Variants in TNFSF4 observed in about 807,000 individuals in gnomAD.
The protein encoded by TNFSF4 is TNF superfamily member 4.
In TNFSF4, 4 loss-of-function variants were observed where a neutral mutation model predicts 7.3. The ratio of observed to expected loss-of-function variants is 0.55; its 90% CI spans 0.27 to 1.25. The LOEUF is 1.25. TNFSF4 is among the 50% of genes most tolerant of loss of function. The pLI, the probability that TNFSF4 is intolerant of heterozygous loss-of-function variation, is 0.12. For missense variants in TNFSF4, 181 were observed against 208.8 expected, an observed-to-expected ratio of 0.87 and a Z score of 0.82; for synonymous variants, 76 against 83.7, an observed-to-expected ratio of 0.91 and a Z score of 0.50.
the TNFSF4 span, among the ~76,000 whole-genome samples, chr1:173,296,084 G>C: frequency 6.6e-6 from 1 of 151,984 alleles, no homozygotes; most frequent in African/African-American, 2.4e-5. Flanking sequence ...AAATGGAGAA[G>C]TAAAAGATGT....
the TNFSF4 span, among the ~76,000 whole-genome samples, chr1:173,403,833 C>CAG: frequency 6.6e-6 from 1 of 150,928 alleles, no homozygotes; most frequent in East Asian, 1.9e-4. Flanking sequence ...ACCCGGGAGG[C>CAG]AGAGGTTGCA....
chr1:173,374,268 G>C, the TNFSF4 span, among the ~76,000 whole-genome samples: 1 of 152,086 alleles, frequency 6.6e-6, no homozygotes, highest in Non-Finnish European at 1.5e-5. Flanking sequence ...CCTACCCAAA[G>C]GATATCACAG....
At chr1:173,447,494 G>T in the TNFSF4 span, among the ~76,000 whole-genome samples, 1 of 152,078 alleles carries the variant, frequency 6.6e-6, no homozygotes, top group Non-Finnish European at 1.5e-5. Flanking sequence ...AGGGGTAGAG[G>T]GCATATGGGA....
the TNFSF4 span, among the ~76,000 whole-genome samples, chr1:173,242,155 A>C: frequency 1.3e-5 from 2 of 152,178 alleles, no homozygotes; most frequent in African/African-American, 4.8e-5. Context: ...GGGAGATTAG[A>C]GTGTTATAAG....
chr1:173,361,744 C>T, the TNFSF4 span, among the ~76,000 whole-genome samples: 8 of 152,162 alleles, frequency 5.3e-5, no homozygotes, highest in Non-Finnish European at 4.4e-5. Flanking sequence ...CTTGGGTCTA[C>T]GGACTCACTG....
the TNFSF4 span, among the ~76,000 whole-genome samples, chr1:173,389,061 T>G: frequency 6.6e-6 from 1 of 152,254 alleles, no homozygotes; most frequent in Non-Finnish European, 1.5e-5. Context: ...TTACATATTT[T>G]TTCTTTTTAC....
chr1:173,364,076 C>T, the TNFSF4 span, among the ~76,000 whole-genome samples: 1 of 152,050 alleles, frequency 6.6e-6, no homozygotes, highest in Non-Finnish European at 1.5e-5. Context: ...TGTCCAGAAA[C>T]ACTCATAAAT....
chr1:173,349,060 C>G, the TNFSF4 span, among the ~76,000 whole-genome samples: 1 of 151,926 alleles, frequency 6.6e-6, no homozygotes, highest in African/African-American at 2.4e-5. Flanking sequence ...ACGGAGTCTC[C>G]CTCTCTCTCC....
the TNFSF4 span, among the ~76,000 whole-genome samples, chr1:173,325,512 A>G: frequency 6.6e-6 from 1 of 152,186 alleles, no homozygotes; most frequent in African/African-American, 2.4e-5. Flanking sequence ...AAATAACTAA[A>G]ATCAGAGCAG....
chr1:173,393,437 C>T, the TNFSF4 span, among the ~76,000 whole-genome samples: 1 of 152,200 alleles, frequency 6.6e-6, no homozygotes, highest in East Asian at 1.9e-4. Flanking sequence ...TTGCTCCTTT[C>T]GCCCTTTGCC....
chr1:173,252,919 G>A, the TNFSF4 span, among the ~76,000 whole-genome samples: 3 of 152,342 alleles, frequency 2.0e-5, no homozygotes, highest in African/African-American at 7.2e-5. Flanking sequence ...AGCAGGATAA[G>A]TTTCAGAACT....
At chr1:173,366,564 T>C in the TNFSF4 span, among the ~76,000 whole-genome samples, 1 of 152,178 alleles carries the variant, frequency 6.6e-6, no homozygotes, top group East Asian at 1.9e-4. Flanking sequence ...TAGTATCTGA[T>C]AGCACAACAG....
chr1:173,407,090 G>A, the TNFSF4 span, among the ~76,000 whole-genome samples: 3 of 152,124 alleles, frequency 2.0e-5, no homozygotes, highest in Non-Finnish European at 2.9e-5. Context: ...TAAGGCTGAT[G>A]GCTGTGCAGG....
the TNFSF4 span, among the ~76,000 whole-genome samples, chr1:173,225,220 TA>T: frequency 6.6e-6 from 1 of 152,146 alleles, no homozygotes; most frequent in Non-Finnish European, 1.5e-5. Flanking sequence ...ACCCTAACAC[TA>T]AAAGAGGAAT....
chr1:173,431,808 G>A, the TNFSF4 span, among the ~76,000 whole-genome samples: 4 of 152,226 alleles, frequency 2.6e-5, no homozygotes, highest in Non-Finnish European at 5.9e-5. Context: ...GCCAAATGGT[G>A]ACTCCTTGGT....
the TNFSF4 span, among the ~76,000 whole-genome samples, chr1:173,364,379 GTGTATATA>G: frequency 5.5e-5 from 6 of 109,104 alleles, no homozygotes; most frequent in African/African-American, 1.9e-4. Flanking sequence ...TGGGGTGTAT[GTGTATATA>G]TATATATATA....
chr1:173,319,518 C>A, the TNFSF4 span, among the ~76,000 whole-genome samples: 1 of 152,216 alleles, frequency 6.6e-6, no homozygotes, highest in African/African-American at 2.4e-5. Flanking sequence ...AAGGGACAGA[C>A]TGCCTCCTCA....
chr1:173,322,959 G>A, the TNFSF4 span, among the ~76,000 whole-genome samples: 4 of 152,196 alleles, frequency 2.6e-5, no homozygotes, highest in African/African-American at 9.7e-5. Context: ...CACCTCTGGG[G>A]GCAGTGCACA....
downstream of TNFSF4, among the ~76,000 whole-genome samples, chr1:173,181,889 C>T (rs1307921514): frequency 1.3e-5 from 2 of 152,290 alleles, no homozygotes; most frequent in East Asian, 3.9e-4. Flanking sequence ...ACAAGGTATG[C>T]TGCTAAGGAA....
Sources: gnomAD v4.1 joint callset for allele counts (sites outside exome capture counted in the v4.1 genomes callset) on GRCh38, gnomAD v4.1.1 for gene constraint, MANE v1.5 for transcripts, NCBI Gene and HGNC (gene_info 2026-07-23, HGNC 2026-07-21) for gene names.